Variants in ULK4 observed in about 807,000 individuals in gnomAD.
The protein encoded by ULK4 is inactive serine/threonine-protein kinase ULK4.
ULK4 carries 133 observed loss-of-function variants against 160.6 expected under a neutral mutation model. That is an observed-to-expected ratio of 0.83 (90% CI 0.72 to 0.96). The LOEUF (loss-of-function observed/expected upper bound fraction) is 0.96. ULK4 is among the 40% of genes least tolerant of loss of function. The pLI, the probability that ULK4 is intolerant of heterozygous loss-of-function variation, is 0.00. For synonymous variants in ULK4, 534 were observed against 539.8 expected (o/e 0.99, Z 0.15); for missense variants, 1,580 against 1,499.5 (o/e 1.05, Z -0.89).
intron 35 of ULK4, among the ~76,000 whole-genome samples, chr3:41,280,474 C>A (rs1170086015): frequency 6.6e-6 from 1 of 152,190 alleles, no homozygotes; most frequent in East Asian, 1.9e-4. Flanking sequence ...GACCACAGTG[C>A]AATCAAATTA....
chr3:41,937,471 CTTTA>C, intron 3 of ULK4: 2 of 564,544 alleles, frequency 3.5e-6, no homozygotes, highest in South Asian at 2.4e-5. Flanking sequence ...TTCAATTATC[CTTTA>C]TTGTTACTCA....
chr3:41,431,867 G>A (rs866720854), intron 34 of ULK4, among the ~76,000 whole-genome samples: 10 of 146,130 alleles, frequency 6.8e-5, no homozygotes, highest in Admixed American at 3.5e-4. Flanking sequence ...TCGGTTCACC[G>A]CAAGCTCCGC....
chr3:41,639,986 G>C (rs1232077847), intron 30 of ULK4, among the ~76,000 whole-genome samples: 4 of 152,140 alleles, frequency 2.6e-5, no homozygotes, highest in African/African-American at 9.7e-5. Flanking sequence ...TTTGAGGCCA[G>C]ACCTGTGTGT....
At chr3:41,302,532 C>T (rs1039943580) in intron 35 of ULK4, among the ~76,000 whole-genome samples, 1 of 152,152 alleles carries the variant, frequency 6.6e-6, no homozygotes, top group African/African-American at 2.4e-5. Context: ...AATCTGTGCT[C>T]TAAAGAGGCA....
At chr3:41,495,530 T>C (rs992985072) in intron 32 of ULK4, among the ~76,000 whole-genome samples, 3 of 151,444 alleles carry the variant, frequency 2.0e-5, no homozygotes, top group African/African-American at 7.3e-5. Context: ...AAGGACTTCA[T>C]GTCTAAAACA....
In ULK4 at chr3:41,962,041, C is replaced by G. The variant is rs993128204; in HGVS notation, c.-74G>C. The G allele has an allele frequency of 6.6e-6, 1 of 152,642 alleles. No individual in the cohort carries two copies. The highest frequency in any genetic ancestry group is 6.5e-5 in the Admixed American group (1 of 15,296). 9.5% of individuals were successfully genotyped at this position (152,642 alleles called of 1,614,324 possible). A position where few individuals can be genotyped will look rare whatever the true frequency, so the allele number is the denominator to read the frequency against. On this transcript the variant is annotated 5_prime_UTR_variant, in exon 1 of 37. Transcript: ENST00000301831. The stretch of plus-strand genomic sequence containing the variant: ...CTGGTAGCTAAGTCAAGAAAAGAGT[C>G]CAGTCCACTTGGCTGCTCCCGCGGT...
At chr3:41,305,949 G>A (rs931515417) in intron 35 of ULK4, among the ~76,000 whole-genome samples, 27 of 147,076 alleles carry the variant, frequency 1.8e-4, no homozygotes, top group African/African-American at 5.7e-4. Flanking sequence ...CTGCCCGGCC[G>A]CCCCGTCTGA....
In ULK4 at chr3:41,520,360, G is replaced by A. The variant is rs546278478; in HGVS notation, c.3226+45665C>T. Among the ~76,000 whole-genome samples, 6 of 152,150 alleles carry A rather than the reference G, an allele frequency of 3.9e-5. No individual in the cohort carries two copies. In the East Asian group the frequency reaches 1.2e-3, roughly 29 times the overall value. Reference sequence around the variant, plus strand: ...TTTCAGTTAATGTAATGTTTTCAAGGCTCATTGATAATGTATTTTCTATCT... The same window carrying A: ...TTTCAGTTAATGTAATGTTTTCAAGACTCATTGATAATGTATTTTCTATCT... On this transcript the variant is annotated intron_variant, in intron 32 of 36. Transcript: ENST00000301831.
intron 35 of ULK4, among the ~76,000 whole-genome samples, chr3:41,289,191 A>G (rs543609155): frequency 1.1e-4 from 17 of 152,290 alleles, no homozygotes; most frequent in African/African-American, 4.1e-4. Flanking sequence ...CTGTTATGGC[A>G]ATTATAAACC....
At chr3:41,470,029 A>AC (rs1559626229) in intron 32 of ULK4, among the ~76,000 whole-genome samples, 27 of 142,714 alleles carry the variant, frequency 1.9e-4, no homozygotes, top group Admixed American at 9.8e-4. Context: ...AAAAAAAAAA[A>AC]AAAAAAAAAA....
At position 41,856,452 on chromosome 3, in the gene ULK4, A is replaced by C. The variant is rs1170054186; in HGVS notation, c.1657-20481T>G. Among the ~76,000 whole-genome samples, 3 of 148,392 alleles carry C rather than the reference A, an allele frequency of 2.0e-5. No homozygotes were observed. The East Asian group carries it at 5.9e-4, about 29-fold the overall frequency. ...TGTACAAAACAACTAAGAAAACTACACCAAAGCAGGAATGGGATACAAAGT... is the reference window on the plus strand; with the variant it reads ...TGTACAAAACAACTAAGAAAACTACCCCAAAGCAGGAATGGGATACAAAGT... On this transcript the variant is annotated intron_variant, in intron 17 of 36. Transcript: ENST00000301831.
intron 31 of ULK4, among the ~76,000 whole-genome samples, chr3:41,605,464 ACATAAAATAAATTTCAGGACAAGGAGT>A (rs1261523325): frequency 1.3e-5 from 2 of 152,136 alleles, no homozygotes; most frequent in African/African-American, 4.8e-5. Context: ...TATTAATATC[ACATAAAATAAATTTCAGGACAAGGAGT>A]ACTACCCAGG....
chr3:41,696,337 T>C (rs1360162699), intron 27 of ULK4, among the ~76,000 whole-genome samples: 2 of 152,226 alleles, frequency 1.3e-5, no homozygotes, highest in African/African-American at 2.4e-5. Context: ...GTTTCTGATA[T>C]GCAGAAATAA....
At chr3:41,839,534 A>G (rs2041851697) in intron 17 of ULK4, among the ~76,000 whole-genome samples, 1 of 151,396 alleles carries the variant, frequency 6.6e-6, no homozygotes, top group Non-Finnish European at 1.5e-5. Flanking sequence ...AGACATCAAA[A>G]TAATAAAGGA....
intron 21 of ULK4, among the ~76,000 whole-genome samples, chr3:41,770,066 G>C (rs1422441127): frequency 1.3e-5 from 2 of 152,168 alleles, no homozygotes; most frequent in African/African-American, 4.8e-5. Flanking sequence ...AAGTACCTAA[G>C]TAAAATGTCT....
At chr3:41,936,476 G>T (rs1163459060) in intron 3 of ULK4, among the ~76,000 whole-genome samples, 1 of 152,078 alleles carries the variant, frequency 6.6e-6, no homozygotes, top group Admixed American at 6.6e-5. Flanking sequence ...CCATCTAAGT[G>T]CCAGAAATAA....
At chr3:41,415,561 C>T (rs2082505926) in intron 34 of ULK4, among the ~76,000 whole-genome samples, 1 of 152,190 alleles carries the variant, frequency 6.6e-6, no homozygotes, top group Admixed American at 6.5e-5. Flanking sequence ...ATCTCCTCTG[C>T]CTGGGGTATT....
chr3:41,761,717 A>C (rs1453290637), intron 21 of ULK4, among the ~76,000 whole-genome samples: 1 of 152,138 alleles, frequency 6.6e-6, no homozygotes, highest in East Asian at 1.9e-4. Context: ...ATCATATAAC[A>C]GATCATGAAA....
chr3:41,904,492 T>C (rs1310024026), intron 12 of ULK4, among the ~76,000 whole-genome samples: 3 of 152,176 alleles, frequency 2.0e-5, no homozygotes, highest in African/African-American at 7.2e-5. Context: ...ACCTTAGGTA[T>C]TCACATTATT....
Sources: allele counts gnomAD v4.1 joint callset (sites outside exome capture counted in the v4.1 genomes callset), GRCh38; gene constraint gnomAD v4.1.1; transcripts MANE v1.5; gene names NCBI Gene and HGNC (gene_info 2026-07-23, HGNC 2026-07-21).